Variants in DSCAML1 observed in about 807,000 individuals in gnomAD.
The protein encoded by DSCAML1 is cell adhesion molecule DSCAML1.
DSCAML1 carries 38 observed loss-of-function variants against 200.5 expected under a neutral mutation model. The ratio of observed to expected loss-of-function variants is 0.19; its 90% CI spans 0.15 to 0.25. DSCAML1 has a LOEUF of 0.25. Ranked by LOEUF, DSCAML1 falls within the 10% of genes least tolerant of loss-of-function variation. DSCAML1 has a pLI of 1.00. For missense variants in DSCAML1, 2,223 were observed against 2,858.8 expected, an observed-to-expected ratio of 0.78 and a Z score of 5.07; for synonymous variants, 1,215 against 1,165.0, an observed-to-expected ratio of 1.04 and a Z score of -0.87.
At chr11:117,567,839 T>C (rs1270295920) in intron 3 of DSCAML1, among the ~76,000 whole-genome samples, 4 of 151,812 alleles carry the variant, frequency 2.6e-5, no homozygotes, top group African/African-American at 7.3e-5. Context: ...TTCCAATCAA[T>C]AGAAAAAGAG....
chr11:117,751,399 T>C (rs1348535853), intron 3 of DSCAML1, among the ~76,000 whole-genome samples: 1 of 151,766 alleles, frequency 6.6e-6, no homozygotes, highest in South Asian at 2.1e-4. Flanking sequence ...TTTTTTCTTT[T>C]TTTTTTTTTC....
intron 3 of DSCAML1, among the ~76,000 whole-genome samples, chr11:117,613,594 T>C (rs1416658790): frequency 6.6e-6 from 1 of 152,054 alleles, no homozygotes; most frequent in Non-Finnish European, 1.5e-5. Context: ...TTAAAAGAAT[T>C]TCCATTTCAG....
intron 3 of DSCAML1, among the ~76,000 whole-genome samples, chr11:117,659,681 C>T (rs1467472094): frequency 1.3e-5 from 2 of 152,136 alleles, no homozygotes; most frequent in Middle Eastern, 3.4e-3. Context: ...AGCATCTAAG[C>T]TCCCTGACTT....
At chr11:117,471,362 G>A (rs1475174632) in intron 15 of DSCAML1, among the ~76,000 whole-genome samples, 1 of 152,152 alleles carries the variant, frequency 6.6e-6, no homozygotes, top group African/African-American at 2.4e-5. Context: ...AGTAGAGACA[G>A]GGTTTCACCA....
intron 3 of DSCAML1, among the ~76,000 whole-genome samples, chr11:117,721,126 G>A (rs1021872241): frequency 2.0e-5 from 3 of 152,220 alleles, no homozygotes; most frequent in Non-Finnish European, 4.4e-5. Flanking sequence ...GGATTCAGAT[G>A]CTGAAGTTAA....
rs755077353 is a variant in DSCAML1, at chr11:117,559,079, G to C, written c.512-26557C>G. On this transcript the variant is annotated intron_variant, in intron 3 of 32. Coordinates refer to ENST00000651296, the MANE Select transcript of DSCAML1 (RefSeq NM_020693.4). ...GGAGAAGTTGGGAAGGACAACAGAC[G>C]TGGTGGTCTCCTTCCATATATGGGG... 3.9e-5 allele frequency among the ~76,000 whole-genome samples: 6 copies of C among 152,110 alleles called. No individual in the cohort carries two copies. In the South Asian group the frequency reaches 1.2e-3, roughly 32 times the overall value.
At chr11:117,442,510 G>T (rs536331287) in intron 21 of DSCAML1, among the ~76,000 whole-genome samples, 1 of 152,120 alleles carries the variant, frequency 6.6e-6, no homozygotes, top group African/African-American at 2.4e-5. Flanking sequence ...TGTGCAGTGT[G>T]TGTGTGCGTG....
In DSCAML1 at chr11:117,518,454, G is replaced by T; in HGVS notation, c.1510+12C>A. The T allele has an allele frequency of 1.2e-6, 2 of 1,614,090 alleles. No individual in the cohort carries two copies. Among genetic ancestry groups the T allele is most frequent in the Non-Finnish European group, 1.7e-6 (2 of 1,180,010 alleles). ...CAAAAACCTATTCTGATATTTAAAT[G>T]TAGACAGGCACCTCTTACGTTTATT... On this transcript the variant is annotated intron_variant, in intron 7 of 32. Transcript: ENST00000651296. This position sits in a 1 kb window ranked among gnomAD's most constrained non-coding sequence, Gnocchi z 6.3.
At chr11:117,737,367 C>T (rs1035613916) in intron 3 of DSCAML1, among the ~76,000 whole-genome samples, 2 of 152,220 alleles carry the variant, frequency 1.3e-5, no homozygotes, top group Admixed American at 6.5e-5. Flanking sequence ...CAGTGGACTT[C>T]AGGCAGGCAG....
In DSCAML1 at chr11:117,697,408, C is replaced by A. The variant is rs112257837; in HGVS notation, c.511+79383G>T. Among the ~76,000 whole-genome samples the A allele has an allele frequency of 2.9e-3, 433 of 150,810 alleles. 3 individuals are homozygous for A. The highest frequency in any genetic ancestry group is 9.0e-3 in the African/African-American group (359 of 40,096). The stretch of plus-strand genomic sequence containing the variant: ...TTTCTTCTCTTATGGTAGTCCTTGA[C>A]TTTTTTTCCACATTTTTTTTATTAT... On this transcript the variant is annotated intron_variant, in intron 3 of 32. Coordinates refer to ENST00000651296, the MANE Select transcript of DSCAML1 (RefSeq NM_020693.4).
At chr11:117,799,936 C>T (rs7125693), upstream of DSCAML1, among the ~76,000 whole-genome samples, 80,818 of 151,644 alleles carry the variant, frequency 0.53, 22,085 homozygotes, top group African/African-American at 0.66. Context: ...TGGGGGAATG[C>T]TGGGACGATA....
chr11:117,816,808 G>GCC (rs140947261), intron 1 of DSCAML1, among the ~76,000 whole-genome samples: 1 of 128,110 alleles, frequency 7.8e-6, no homozygotes, highest in Admixed American at 8.2e-5. Flanking sequence ...TGGGGGGGTG[G>GCC]GGTGGAGATT....
chr11:117,768,126 C>G (rs2054931798), intron 3 of DSCAML1, among the ~76,000 whole-genome samples: 1 of 152,080 alleles, frequency 6.6e-6, no homozygotes, highest in South Asian at 2.1e-4. Context: ...TATTATTGAA[C>G]CAGGGCTTAA....
At chr11:117,512,674 ACACACACACACATG>A (rs2049655510) in intron 8 of DSCAML1, among the ~76,000 whole-genome samples, 1 of 76,730 alleles carries the variant, frequency 1.3e-5, no homozygotes, top group Non-Finnish European at 3.2e-5. Context: ...ACACACACAC[ACACACACACACATG>A]CCTGCTATGC....
At chr11:117,650,739 G>A (rs542870521) in intron 3 of DSCAML1, among the ~76,000 whole-genome samples, 153 of 151,622 alleles carry the variant, frequency 1.0e-3, no homozygotes, top group Non-Finnish European at 1.9e-3. Flanking sequence ...TTCCCAGTGG[G>A]TGGCTTGCTA....
chr11:117,649,041 A>ATATGTGTGTGTG (rs768621807), intron 3 of DSCAML1, among the ~76,000 whole-genome samples: 10 of 137,932 alleles, frequency 7.2e-5, no homozygotes, highest in African/African-American at 2.0e-4. Flanking sequence ...CTCCATATAT[A>ATATGTGTGTGTG]TGTGTGTGTG....
intron 14 of DSCAML1, among the ~76,000 whole-genome samples, chr11:117,478,455 C>A (rs1164567274): frequency 1.3e-5 from 2 of 152,176 alleles, no homozygotes; most frequent in African/African-American, 2.4e-5. Context: ...TCCCCTTTGC[C>A]TCATCACATA....
chr11:117,767,025 G>A (rs2054910394), intron 3 of DSCAML1, among the ~76,000 whole-genome samples: 1 of 152,138 alleles, frequency 6.6e-6, no homozygotes, highest in Non-Finnish European at 1.5e-5. Context: ...GTGCCCCCAA[G>A]CCTTGATTTC....
intron 11 of DSCAML1, among the ~76,000 whole-genome samples, chr11:117,484,890 TG>T (rs2049008733): frequency 1.3e-3 from 18 of 14,140 alleles, no homozygotes; most frequent in Admixed American, 3.1e-3. Context: ...AGGAACAGTG[TG>T]TGTGTGTGTG....
Sources: allele counts gnomAD v4.1 joint callset (sites outside exome capture counted in the v4.1 genomes callset), GRCh38; gene constraint gnomAD v4.1.1; non-coding constraint Gnocchi (gnomAD v3.1); transcripts MANE v1.5; gene names NCBI Gene and HGNC (gene_info 2026-07-23, HGNC 2026-07-21).